The following TAP2 variants were observed in gnomAD, a reference collection of about 807,000 sequenced individuals.
TAP2 encodes the protein transporter 2, ATP binding cassette subfamily B member.
In TAP2, 49 loss-of-function variants were observed where a neutral mutation model predicts 74.7. The observed-to-expected ratio is 0.66, with a 90% confidence interval of 0.52 to 0.83. The LOEUF is 0.83. TAP2 is among the 40% of genes least tolerant of loss of function. The pLI is 0.00. For synonymous variants in TAP2, 306 were observed against 368.4 expected, an observed-to-expected ratio of 0.83 and a Z score of 1.94; for missense variants, 739 against 859.0, an observed-to-expected ratio of 0.86 and a Z score of 1.75.
Position 32,835,638 on chromosome 6 carries a change from C to G in TAP2, c.739+5G>C. Reference sequence around the variant, plus strand: ...GGAATCTCAGACCTGGACTCCAGGCCCCACCTGTCTTAGTCTCCTGGAAGA... The same window carrying G: ...GGAATCTCAGACCTGGACTCCAGGCGCCACCTGTCTTAGTCTCCTGGAAGA... On this transcript the variant is annotated splice_donor_5th_base_variant and intron_variant, in intron 4 of 11. Transcript: ENST00000374897. The surrounding 1 kb of genome is among the most constrained non-coding windows in gnomAD (Gnocchi z 4.0). 4 of 1,612,984 alleles carry G rather than the reference C, an allele frequency of 2.5e-6. No individual in the cohort carries two copies. The highest frequency in any genetic ancestry group is 3.4e-6 in the Non-Finnish European group (4 of 1,180,004).
downstream of TAP2, chr6:32,822,307 C>A: frequency 6.5e-7 from 1 of 1,548,816 alleles, no homozygotes; most frequent in Non-Finnish European, 8.8e-7. Context: ...TCATGAACTT[C>A]CAAAGGGTTT....
chr6:32,837,742 C>G lies in TAP2; in HGVS notation c.492G>C (p.Leu164Phe). 1 of 1,614,194 alleles carries G rather than the reference C, an allele frequency of 6.2e-7. No individual in the cohort carries two copies. The highest frequency in any genetic ancestry group is 8.5e-7 in the Non-Finnish European group (1 of 1,180,028). ...AAFFFLVLAV[L>F]GETLIPHYSG... Reference sequence around the variant, plus strand: ...TCACAACGTCCTCTCCTGACTCACCCAAAACAGCAAGGACAAGGAAGAAGA... The same window carrying G: ...TCACAACGTCCTCTCCTGACTCACCGAAAACAGCAAGGACAAGGAAGAAGA... Residue 164 changes from leucine to phenylalanine, a missense_variant and splice_region_variant, in exon 2 of 12, where the codon TTG becomes TTC. Leu to Phe is a conservative substitution (Grantham distance 22). Transcript: ENST00000374897.
intron 5 of TAP2, among the ~76,000 whole-genome samples, chr6:32,834,708 T>C (rs1226818937): frequency 6.6e-6 from 1 of 152,226 alleles, no homozygotes; most frequent in African/African-American, 2.4e-5. Flanking sequence ...ACATTCAGAC[T>C]TAGGACTTCC....
At chr6:32,822,177 C>T (rs1313591784), downstream of TAP2, 8 of 893,420 alleles carry the variant, frequency 9.0e-6, no homozygotes, top group Non-Finnish European at 1.1e-5. Flanking sequence ...CCTCAATTTC[C>T]CTGTGATGGT....
rs758369630 is a variant in TAP2 at position 32,832,747 on chromosome 6, G to A, written c.1023C>T (p.Thr341=). 5 of 1,612,948 alleles carry A rather than the reference G, an allele frequency of 3.1e-6. No individual in the cohort carries two copies. The highest frequency in any genetic ancestry group is 2.2e-5 in the East Asian group (1 of 44,898). ...GCTCCTCGGCCCCAAAACTGCGAAC[G>A]GTCTGCAGCCCTCCAACGGCTTCCC... ...VVREAVGGLQ[T]VRSFGAEEHE... The change falls in exon 6 of 12, where the codon ACC becomes ACT. Residue 341 remains threonine, a synonymous_variant. Transcript: ENST00000374897. The surrounding 1 kb of genome is among the most constrained non-coding windows in gnomAD (Gnocchi z 5.9).
chr6:32,822,420 A>T (rs1476649438), downstream of TAP2: 5 of 758,508 alleles, frequency 6.6e-6, no homozygotes, highest in Admixed American at 2.9e-5. Context: ...TTGTGTCAGT[A>T]TAATAAGTAA....
At chr6:32,838,588 G>GGAGT (rs1414799319) in intron 1 of TAP2, 65 bp downstream of exon 1, 1 of 272,272 alleles carries the variant, frequency 3.7e-6, no homozygotes, top group Admixed American at 5.1e-5. Context: ...GCAGGAGCGT[G>GGAGT]GAGTGGGTAG....
Position 32,832,381 on chromosome 6 carries a change from G to A in TAP2, c.1224C>T (p.Ser408=). 1 of 1,612,972 alleles carries A rather than the reference G, an allele frequency of 6.2e-7. No individual in the cohort carries two copies. The highest frequency in any genetic ancestry group is 8.5e-7 in the Non-Finnish European group (1 of 1,180,020). Residue 408 remains serine (S), a synonymous_variant, in exon 7 of 12, where the codon AGC becomes AGT. Transcript: ENST00000374897. The surrounding 1 kb of genome is among the most constrained non-coding windows in gnomAD (Gnocchi z 5.9). ...CCTGGTAGATCATAAAGGAAAGCAG[G>A]CTGCCCTGGGTGAGCTCCCCATCCT... ...QMQDGELTQG[S]LLSFMIYQES... is the part of the protein sequence containing the mutation.
Position 32,830,065 on chromosome 6 carries a change from C to G in TAP2, c.1660G>C (p.Val554Leu). 1 of 1,613,122 alleles carries G rather than the reference C, an allele frequency of 6.2e-7. No individual in the cohort carries two copies. Among genetic ancestry groups the G allele is most frequent in the Non-Finnish European group, 8.5e-7 (1 of 1,180,038 alleles). The change falls in exon 10 of 12, where the codon GTG becomes CTG. Residue 554 changes from valine (V) to leucine (L), a missense_variant. Coordinates refer to ENST00000374897, the MANE Select transcript of TAP2 (RefSeq NM_001290043.2). ...SQVVSVGQEP[V>L]LFSGSVRNNI... ...TTCCTCACAGAACCGGAGAACAGCA[C>G]AGGCTCCTGCCCAACTGAAACCACC... is the stretch of plus-strand genomic sequence containing the variant.
rs1768625820 is a variant in TAP2, at chr6:32,825,995, GTC to G, written c.*2909_*2910del. 1.1e-6 allele frequency: 1 copy of G among 929,958 alleles called. No homozygotes were observed. Among genetic ancestry groups the G allele is most frequent in the African/African-American group, 2.6e-5 (1 of 38,606 alleles). The allele number at this position is 929,958 out of a possible 1,614,324, so 57.6% of individuals were successfully genotyped here. A position where few individuals can be genotyped will look rare whatever the true frequency, so the allele number is the denominator to read the frequency against. Reference sequence around the variant, plus strand: ...CAGTGAATGCTTAGTAGTAGTAGTAGTCTAATTCCTAAGAGTCCATGGAACTC... The same window carrying G: ...CAGTGAATGCTTAGTAGTAGTAGTAGTAATTCCTAAGAGTCCATGGAACTC... On this transcript the variant is annotated 3_prime_UTR_variant, in exon 12 of 12. Coordinates refer to ENST00000374897, the MANE Select transcript of TAP2 (RefSeq NM_001290043.2).
At position 32,827,192 on chromosome 6, in the gene TAP2, T is replaced by C. The variant is rs17213777; in HGVS notation, c.*1714A>G. 10,115 of 985,320 alleles carry C rather than the reference T, an allele frequency of 0.01. 459 individuals are homozygous for C. The African/African-American group carries it at 0.12, about 12-fold the overall frequency. 61.0% of individuals were successfully genotyped at this position (985,320 alleles called of 1,614,324 possible). Reference sequence around the variant, plus strand: ...AAACTACCTGCTGTTTCCAGGAATATGAAGGTTTCTCTTTCCTAGAATAGC... The same window carrying C: ...AAACTACCTGCTGTTTCCAGGAATACGAAGGTTTCTCTTTCCTAGAATAGC... On this transcript the variant is annotated 3_prime_UTR_variant, in exon 12 of 12. Coordinates refer to ENST00000374897, the MANE Select transcript of TAP2 (RefSeq NM_001290043.2).
In TAP2 at chr6:32,828,675, G is replaced by GCCTCCCCCCCCCCCCCCC; in HGVS notation, c.*230_*231insGGGGGGGGGGGGGGGAGG. 2 of 884,284 alleles carry GCCTCCCCCCCCCCCCCCC rather than the reference G, an allele frequency of 2.3e-6. No homozygotes were observed. The highest frequency in any genetic ancestry group is 1.9e-5 in the African/African-American group (1 of 53,306). 54.8% of individuals were successfully genotyped at this position (884,284 alleles called of 1,614,324 possible). The stretch of plus-strand genomic sequence containing the variant: ...GAATTAAGTTTCCTGGACACAGACA[G>GCCTCCCCCCCCCCCCCCC]CCCCCACCCCACCCCACCCCACCTC... On this transcript the variant is annotated 3_prime_UTR_variant, in exon 12 of 12. Coordinates refer to ENST00000374897, the MANE Select transcript of TAP2 (RefSeq NM_001290043.2).
rs761364876 is a variant in TAP2, at chr6:32,837,903, G to A, written c.331C>T (p.Leu111Phe). 1.5e-5 allele frequency: 24 copies of A among 1,611,992 alleles called. No homozygotes were observed. The East Asian group carries it at 5.1e-4, about 34-fold the overall frequency. The part of the protein sequence containing the change: ...WLLVGYGAAG[L>F]SWSLWAVLSP... ...AGAACAGCCCACAGTGACCAGCTGA[G>A]CCCCGCAGCCCCGTACCCCACCAGC... is the stretch of plus-strand genomic sequence containing the variant. The change falls in exon 2 of 12, where the codon CTC becomes TTC. Residue 111 changes from leucine (L) to phenylalanine (F), a missense_variant. Transcript: ENST00000374897.
intron 3 of TAP2, among the ~76,000 whole-genome samples, chr6:32,836,563 T>C (rs1234010171): frequency 6.6e-6 from 1 of 152,214 alleles, no homozygotes; most frequent in African/African-American, 2.4e-5. Context: ...CAAACCTAGA[T>C]GTCATAGCCT....
At position 32,830,794 on chromosome 6, in the gene TAP2, T is replaced by C. The variant is rs1258025125; in HGVS notation, c.1285A>G (p.Ile429Val). 4 of 1,611,402 alleles carry C rather than the reference T, an allele frequency of 2.5e-6. No individual in the cohort carries two copies. Among genetic ancestry groups the C allele is most frequent in the South Asian group, 2.2e-5 (2 of 90,696 alleles). ...ACGTTGCTGAGCATATCCCCATATATGTATACCAGGGTCTGGAAAACAGGA... is the reference window on the plus strand; with the variant it reads ...ACGTTGCTGAGCATATCCCCATATACGTATACCAGGGTCTGGAAAACAGGA... Reference protein sequence around the residue: ...VGSYVQTLVYIYGDMLSNVGA... With the variant: ...VGSYVQTLVYVYGDMLSNVGA... The change falls in exon 8 of 12, where the codon ATA (isoleucine) becomes GTA (valine). Residue 429 changes from isoleucine (I) to valine (V), a missense_variant. Ile to Val is a conservative substitution (Grantham distance 29). Coordinates refer to ENST00000374897, the MANE Select transcript of TAP2 (RefSeq NM_001290043.2).
Position 32,826,941 on chromosome 6 carries a change from G to C in TAP2, c.*1965C>G. 1 of 985,372 alleles carries C rather than the reference G, an allele frequency of 1.0e-6. No individual in the cohort carries two copies. The highest frequency in any genetic ancestry group is 1.2e-6 in the Non-Finnish European group (1 of 829,908). The allele number at this position is 985,372 out of a possible 1,614,324, so 61.0% of individuals were successfully genotyped here. On this transcript the variant is annotated 3_prime_UTR_variant, in exon 12 of 12. Coordinates refer to ENST00000374897, the MANE Select transcript of TAP2 (RefSeq NM_001290043.2). The stretch of plus-strand genomic sequence containing the variant: ...ATAAAGGACATTTGTGGGAGAGAAA[G>C]GAATCAGGCCAGAGTTCTTTCTCTC...
At chr6:32,822,080 C>G, downstream of TAP2, 1 of 565,372 alleles carries the variant, frequency 1.8e-6, no homozygotes, top group Non-Finnish European at 3.2e-6. Context: ...GAACCAAAGG[C>G]TTTGGGCTCC....
Position 32,837,823 on chromosome 6 carries a change from CA to C in TAP2, c.410del (p.Leu137Ter). On this transcript the variant is annotated frameshift_variant, in exon 2 of 12. Coordinates refer to ENST00000374897, the MANE Select transcript of TAP2 (RefSeq NM_001290043.2). LOFTEE classifies it high-confidence loss of function. ...TGGAGAGCTTCAGCAGCCTCCACAT[CA>C]AGACTTTGTTGTTCACCTGGTCCTG... is the stretch of plus-strand genomic sequence containing the variant. ...KEQDQVNNKV[L>X]MWRLLKLSRP... 1 of 1,614,006 alleles carries C rather than the reference CA, an allele frequency of 6.2e-7. No homozygotes were observed. The highest frequency in any genetic ancestry group is 8.5e-7 in the Non-Finnish European group (1 of 1,180,020).
chr6:32,828,675 G>GCCTCCACCCCCCCCCCC lies in TAP2; in HGVS notation c.*230_*231insGGGGGGGGGGGTGGAGG. The GCCTCCACCCCCCCCCCC allele has an allele frequency of 1.1e-6, 1 of 884,278 alleles. No homozygotes were observed. The allele number at this position is 884,278 out of a possible 1,614,324, so 54.8% of individuals were successfully genotyped here. A position where few individuals can be genotyped will look rare whatever the true frequency, so the allele number is the denominator to read the frequency against. On this transcript the variant is annotated 3_prime_UTR_variant, in exon 12 of 12. Transcript: ENST00000374897. ...GAATTAAGTTTCCTGGACACAGACA[G>GCCTCCACCCCCCCCCCC]CCCCCACCCCACCCCACCCCACCTC... is the stretch of plus-strand genomic sequence containing the variant.
Sources: allele counts gnomAD v4.1 joint callset (sites outside exome capture counted in the v4.1 genomes callset), GRCh38; gene constraint gnomAD v4.1.1; non-coding constraint Gnocchi (gnomAD v3.1); transcripts MANE v1.5; gene names NCBI Gene and HGNC (gene_info 2026-07-23, HGNC 2026-07-21).